The following TVP23A variants were observed in gnomAD, a reference collection of about 807,000 sequenced individuals.
TVP23A encodes trans-golgi network vesicle protein 23 homolog A.
A neutral mutation model predicts 31.7 loss-of-function variants in TVP23A; 21 were observed. The ratio of observed to expected loss-of-function variants is 0.66; its 90% CI spans 0.47 to 0.95. TVP23A has a LOEUF of 0.95. Ranked by LOEUF, TVP23A falls within the 40% of genes least tolerant of loss-of-function variation. The probability of loss-of-function intolerance (pLI) is 0.00; values close to 1 mark genes in which losing one functional copy is unlikely to be tolerated. For synonymous variants in TVP23A, 104 were observed against 96.0 expected (o/e 1.08, Z -0.49); for missense variants, 279 against 255.6 (o/e 1.09, Z -0.62).
intron 2 of TVP23A, among the ~76,000 whole-genome samples, chr16:10,806,653 C>A (rs2033959924): frequency 6.6e-6 from 1 of 152,124 alleles, no homozygotes; most frequent in South Asian, 2.1e-4. Context: ...AGGCGCCTGC[C>A]ATCACGTCCA....
chr16:10,793,408 C>G (rs552339278), intron 2 of TVP23A, among the ~76,000 whole-genome samples: 1 of 152,230 alleles, frequency 6.6e-6, no homozygotes, highest in Admixed American at 6.5e-5. Flanking sequence ...AGGCTGGGCC[C>G]TGTGTGTGGC....
intron 2 of TVP23A, among the ~76,000 whole-genome samples, chr16:10,795,282 G>T (rs139086653): frequency 6.7e-6 from 1 of 148,188 alleles, no homozygotes; most frequent in African/African-American, 2.5e-5. Flanking sequence ...ACAGAGTCTC[G>T]CTCTGTTGCC....
chr16:10,818,393 G>A lies in TVP23A; in HGVS notation c.9+92C>T. The A allele has an allele frequency of 6.5e-7, 1 of 1,530,026 alleles. No individual in the cohort carries two copies. The highest frequency in any genetic ancestry group is 8.8e-7 in the Non-Finnish European group (1 of 1,130,946). 94.8% of individuals were successfully genotyped at this position (1,530,026 alleles called of 1,614,324 possible). ...GTGCAGCCCAGCCCCAGGCCCCGGC[G>A]CATCCCTCCTCCTCCTCCCGGCTTC... is the stretch of plus-strand genomic sequence containing the variant. On this transcript the variant is annotated intron_variant, in intron 1 of 7. Coordinates refer to ENST00000299866, the MANE Select transcript of TVP23A (RefSeq NM_001079512.4). This position sits in a 1 kb window ranked among gnomAD's most constrained non-coding sequence, Gnocchi z 4.7.
chr16:10,771,125 A>G (rs992170046), intron 6 of TVP23A, among the ~76,000 whole-genome samples: 6 of 152,138 alleles, frequency 3.9e-5, no homozygotes, highest in African/African-American at 1.2e-4. Context: ...TGCAAGATGA[A>G]AGCAGTTCTG....
chr16:10,765,327 TAAAAAAAAAAA>T (rs533208449), downstream of TVP23A, among the ~76,000 whole-genome samples: 3 of 111,260 alleles, frequency 2.7e-5, no homozygotes, highest in East Asian at 2.7e-4. The surrounding 1 kb of genome is among the most constrained non-coding windows in gnomAD (Gnocchi z 4.0). Flanking sequence ...CCTCATCTCT[TAAAAAAAAAAA>T]AAAAAAAAAA....
chr16:10,795,333 C>A (rs529301788), intron 2 of TVP23A, among the ~76,000 whole-genome samples: 15 of 151,936 alleles, frequency 9.9e-5, no homozygotes, highest in Admixed American at 1.3e-4. Context: ...TAACTGCAAC[C>A]TCCACCTCCC....
downstream of TVP23A, among the ~76,000 whole-genome samples, chr16:10,759,540 G>A (rs1472276245): frequency 5.3e-5 from 8 of 152,186 alleles, no homozygotes; most frequent in African/African-American, 7.2e-5. This position sits in a 1 kb window ranked among gnomAD's most constrained non-coding sequence, Gnocchi z 4.7. Flanking sequence ...TTGGGAGGCC[G>A]AGGCAGGCAG....
downstream of TVP23A, chr16:10,758,053 G>T: frequency 6.2e-7 from 1 of 1,608,508 alleles, no homozygotes; most frequent in African/African-American, 1.3e-5. Context: ...GCTGGAGCTG[G>T]GTCCAAACTG....
At chr16:10,778,639 T>A (rs936834513) in intron 2 of TVP23A, among the ~76,000 whole-genome samples, 2 of 151,004 alleles carry the variant, frequency 1.3e-5, no homozygotes, top group Admixed American at 6.6e-5. Flanking sequence ...ACATCTGTCC[T>A]CTTTGTAGAA....
intron 2 of TVP23A, among the ~76,000 whole-genome samples, chr16:10,803,338 A>G (rs2033800359): frequency 6.6e-6 from 1 of 151,786 alleles, no homozygotes; most frequent in South Asian, 2.1e-4. Flanking sequence ...AACAACAAAA[A>G]CACATAAATT....
chr16:10,782,431 C>A (rs980324939), intron 2 of TVP23A, among the ~76,000 whole-genome samples: 2 of 152,144 alleles, frequency 1.3e-5, no homozygotes, highest in Non-Finnish European at 2.9e-5. Flanking sequence ...CTTCTTAAAC[C>A]TGTGCCACCA....
intron 2 of TVP23A, among the ~76,000 whole-genome samples, chr16:10,817,784 G>C (rs1278094221): frequency 6.6e-6 from 1 of 152,180 alleles, no homozygotes. Context: ...CACCTCCTCA[G>C]AGAGGCCCTC....
At chr16:10,784,260 C>T (rs189331120) in intron 2 of TVP23A, among the ~76,000 whole-genome samples, 8 of 148,044 alleles carry the variant, frequency 5.4e-5, no homozygotes, top group Non-Finnish European at 1.2e-4. Flanking sequence ...ACCCAGGAGG[C>T]GGAGGTTGCA....
chr16:10,788,797 G>T (rs2032925322), intron 2 of TVP23A, among the ~76,000 whole-genome samples: 1 of 152,182 alleles, frequency 6.6e-6, no homozygotes, highest in Non-Finnish European at 1.5e-5. Flanking sequence ...TTAACAGAGA[G>T]TAGCTAGTAG....
In TVP23A at chr16:10,767,366, G is replaced by C. The variant is rs1019102904; in HGVS notation, c.*1736C>G. ...GCGGGGAAAGACTAGCAGACTGATA[G>C]ACACCAGCACAGATGACCTGGAAGA... On this transcript the variant is annotated 3_prime_UTR_variant, in exon 8 of 8. Transcript: ENST00000299866. The surrounding 1 kb of genome is among the most constrained non-coding windows in gnomAD (Gnocchi z 4.6). The C allele has an allele frequency of 2.5e-5, 10 of 399,850 alleles. No individual in the cohort carries two copies. Among genetic ancestry groups the C allele is most frequent in the African/African-American group, 1.9e-4 (9 of 48,642 alleles). The allele number at this position is 399,850 out of a possible 1,614,324, so 24.8% of individuals were successfully genotyped here. A position where few individuals can be genotyped will look rare whatever the true frequency, so the allele number is the denominator to read the frequency against.
chr16:10,758,661 G>A (rs575322339), downstream of TVP23A, among the ~76,000 whole-genome samples: 25 of 152,284 alleles, frequency 1.6e-4, no homozygotes, highest in Non-Finnish European at 2.9e-4. Context: ...GCCTGGCCCC[G>A]TCAGCCTTGC....
Position 10,767,857 on chromosome 16 carries a change from C to A in TVP23A, c.*1245G>T. On this transcript the variant is annotated 3_prime_UTR_variant, in exon 8 of 8. Coordinates refer to ENST00000299866, the MANE Select transcript of TVP23A (RefSeq NM_001079512.4). The surrounding 1 kb of genome is among the most constrained non-coding windows in gnomAD (Gnocchi z 4.6). ...GAGTGAAGCGGGCTCAAGATCTTCC[C>A]ATTGTCACCAGCACGGAAAGAGCCC... The A allele has an allele frequency of 8.5e-7, 1 of 1,173,882 alleles. No individual in the cohort carries two copies. 72.7% of individuals were successfully genotyped at this position (1,173,882 alleles called of 1,614,324 possible).
downstream of TVP23A, chr16:10,766,626 T>G (rs1210405875): frequency 4.7e-6 from 1 of 214,926 alleles, no homozygotes; most frequent in African/African-American, 2.3e-5. The surrounding 1 kb of genome is among the most constrained non-coding windows in gnomAD (Gnocchi z 4.8). Flanking sequence ...CGGCGGAGGA[T>G]GTCCAGGTTC....
chr16:10,814,599 C>CCATCCCGCAATCCTCA (rs142506153), intron 2 of TVP23A, among the ~76,000 whole-genome samples: 7,456 of 152,220 alleles, frequency 0.049, 600 homozygotes, highest in African/African-American at 0.16. Flanking sequence ...AACCCAGCCT[C>CCATCCCGCAATCCTCA]CATCACTGCC....
Sources: gnomAD v4.1 joint callset for allele counts (sites outside exome capture counted in the v4.1 genomes callset) on GRCh38, gnomAD v4.1.1 for gene constraint, Gnocchi (gnomAD v3.1) non-coding constraint, MANE v1.5 for transcripts, NCBI Gene and HGNC (gene_info 2026-07-23, HGNC 2026-07-21) for gene names.